The following IL15 variants were observed in gnomAD, a reference collection of about 807,000 sequenced individuals.
The protein encoded by IL15 is interleukin 15.
A neutral mutation model predicts 19.6 loss-of-function variants in IL15; 11 were observed. That is an observed-to-expected ratio of 0.56 (90% CI 0.35 to 0.93). IL15 has a LOEUF of 0.93. Among genes scored for constraint, IL15 ranks in the 40% least tolerant of loss-of-function variants. The pLI is 0.01. For synonymous variants in IL15, 58 were observed against 59.6 expected, an observed-to-expected ratio of 0.97 and a Z score of 0.12; for missense variants, 197 against 186.5, an observed-to-expected ratio of 1.06 and a Z score of -0.33.
At chr4:141,692,003 G>A (rs1168170443) in intron 2 of IL15, among the ~76,000 whole-genome samples, 3 of 152,224 alleles carry the variant, frequency 2.0e-5, no homozygotes, top group South Asian at 4.1e-4. Flanking sequence ...CTGTGTTGAT[G>A]TCTAGGCATT....
intron 2 of IL15, among the ~76,000 whole-genome samples, chr4:141,675,801 G>T (rs988965425): frequency 1.3e-5 from 2 of 152,266 alleles, no homozygotes; most frequent in African/African-American, 2.4e-5. Context: ...ACAACAGCAG[G>T]TGCAAAAACC....
At chr4:141,704,762 T>G (rs1729452280) in intron 2 of IL15, 1 of 162,518 alleles carries the variant, frequency 6.2e-6, no homozygotes, top group African/African-American at 2.4e-5. Flanking sequence ...TCATTATCAG[T>G]CTGTTCAGAT....
At chr4:141,724,842 G>T (rs981337943) in intron 5 of IL15, among the ~76,000 whole-genome samples, 42 of 152,040 alleles carry the variant, frequency 2.8e-4, no homozygotes, top group Admixed American at 6.6e-5. Context: ...AAGCCTGCTG[G>T]TTACACTGAA....
chr4:141,693,963 A>T (rs2152178640), intron 2 of IL15, among the ~76,000 whole-genome samples: 1 of 152,382 alleles, frequency 6.6e-6, no homozygotes, highest in South Asian at 2.1e-4. Context: ...GGTATTACTG[A>T]TATGAATGAT....
rs144458285 is a variant in IL15 at position 141,653,578 on chromosome 4, G to A, written c.-221-2608G>A. Reference sequence around the variant, plus strand: ...TTTCTGAAAACAAATACACACTGTCGAGTTACCTTTTTCTTTTTACTTTAA... The same window carrying A: ...TTTCTGAAAACAAATACACACTGTCAAGTTACCTTTTTCTTTTTACTTTAA... On this transcript the variant is annotated intron_variant, in intron 1 of 7. Coordinates refer to ENST00000320650, the MANE Select transcript of IL15 (RefSeq NM_000585.5). Among the ~76,000 whole-genome samples the A allele has an allele frequency of 3.9e-3, 588 of 151,956 alleles. 1 individual carries two copies. The highest frequency in any genetic ancestry group is 0.013 in the African/African-American group (549 of 41,426).
chr4:141,663,541 G>A (rs115334052), intron 2 of IL15, among the ~76,000 whole-genome samples: 313 of 152,290 alleles, frequency 2.1e-3, no homozygotes, highest in African/African-American at 6.9e-3. Context: ...GGCCAATGTA[G>A]AACTGTGCTT....
At chr4:141,726,670 A>T (rs1730276694) in intron 5 of IL15, among the ~76,000 whole-genome samples, 1 of 152,128 alleles carries the variant, frequency 6.6e-6, no homozygotes, top group Admixed American at 6.6e-5. Context: ...TTTTTTCATG[A>T]CTGCCAAAAA....
intron 2 of IL15, among the ~76,000 whole-genome samples, chr4:141,709,066 TTC>T (rs1729623117): frequency 8.9e-6 from 1 of 112,502 alleles, no homozygotes; most frequent in Non-Finnish European, 2.0e-5. Context: ...TTCAATATTA[TTC>T]AATATTGAAA....
chr4:141,642,098 C>A (rs908817536), intron 1 of IL15, among the ~76,000 whole-genome samples: 3 of 151,926 alleles, frequency 2.0e-5, no homozygotes, highest in Admixed American at 2.0e-4. Flanking sequence ...CTAGATATGT[C>A]AATGCTTTGA....
intron 2 of IL15, among the ~76,000 whole-genome samples, chr4:141,680,554 T>C (rs1372105421): frequency 1.3e-5 from 2 of 152,210 alleles, no homozygotes; most frequent in Non-Finnish European, 2.9e-5. Context: ...ATTGTCTTTA[T>C]GGGTTGCCAC....
At chr4:141,659,131 G>A (rs1171540997) in intron 2 of IL15, among the ~76,000 whole-genome samples, 1 of 151,570 alleles carries the variant, frequency 6.6e-6, no homozygotes, top group Non-Finnish European at 1.5e-5. Context: ...TTACAGGCGT[G>A]AGCCACTGTC....
At chr4:141,681,872 AACTC>A (rs1418649077) in intron 2 of IL15, among the ~76,000 whole-genome samples, 8 of 152,312 alleles carry the variant, frequency 5.3e-5, no homozygotes, top group African/African-American at 1.9e-4. Context: ...GGTTGTATAT[AACTC>A]ACAGACATTA....
At chr4:141,726,477 T>C (rs1730268497) in intron 5 of IL15, among the ~76,000 whole-genome samples, 1 of 152,142 alleles carries the variant, frequency 6.6e-6, no homozygotes, top group Admixed American at 6.6e-5. Context: ...AGAAACTGGA[T>C]CATTCATACA....
intron 2 of IL15, among the ~76,000 whole-genome samples, chr4:141,710,777 A>C (rs747892536): frequency 2.7e-5 from 4 of 150,208 alleles, no homozygotes; most frequent in Admixed American, 6.6e-5. Context: ...GAAATTATAC[A>C]TGTCTGGCTT....
chr4:141,731,473 C>G (rs1233439593), intron 7 of IL15, among the ~76,000 whole-genome samples: 1 of 152,138 alleles, frequency 6.6e-6, no homozygotes, highest in Non-Finnish European at 1.5e-5. Context: ...TTATCTCCAT[C>G]TTATTGGTGG....
At chr4:141,718,198 T>A (rs1289969906) in intron 2 of IL15, 14 of 152,202 alleles carry the variant, frequency 9.2e-5, no homozygotes, top group Admixed American at 8.5e-4. Flanking sequence ...AAATTTTCAT[T>A]GTTTACAAAA....
At chr4:141,662,510 T>C (rs1436042808) in intron 2 of IL15, among the ~76,000 whole-genome samples, 1 of 152,266 alleles carries the variant, frequency 6.6e-6, no homozygotes, top group Non-Finnish European at 1.5e-5. Flanking sequence ...TAATATTGCA[T>C]GATATATATT....
intron 2 of IL15, among the ~76,000 whole-genome samples, chr4:141,688,210 C>T (rs945303357): frequency 6.6e-6 from 1 of 152,126 alleles, no homozygotes; most frequent in African/African-American, 2.4e-5. Context: ...ACTTCTCCAC[C>T]CTCTGACCAA....
chr4:141,692,040 G>C (rs1471496001), intron 2 of IL15, among the ~76,000 whole-genome samples: 1 of 152,260 alleles, frequency 6.6e-6, no homozygotes, highest in Non-Finnish European at 1.5e-5. Flanking sequence ...AATCTAGGCA[G>C]ATGCTCCCAA....
Sources: allele counts gnomAD v4.1 joint callset (sites outside exome capture counted in the v4.1 genomes callset), GRCh38; gene constraint gnomAD v4.1.1; transcripts MANE v1.5; gene names NCBI Gene and HGNC (gene_info 2026-07-23, HGNC 2026-07-21).